ZNF423: variants seen among roughly 807,000 people sequenced by gnomAD.
ZNF423 encodes the protein zinc finger protein 423.
Under a neutral mutation model 95.8 loss-of-function variants are expected in ZNF423, and 12 were observed. The ratio of observed to expected loss-of-function variants is 0.13; its 90% CI spans 0.08 to 0.20. The LOEUF (loss-of-function observed/expected upper bound fraction) is 0.20, where lower values mean the gene tolerates loss of function less well. Among genes scored for constraint, ZNF423 ranks in the 10% least tolerant of loss-of-function variants. ZNF423 has a pLI of 1.00. For missense variants in ZNF423, 1,316 were observed against 1,737.1 expected (o/e 0.76, Z 4.31); for synonymous variants, 749 against 711.9 (o/e 1.05, Z -0.83).
intron 5 of ZNF423, among the ~76,000 whole-genome samples, chr16:49,535,037 G>A (rs1969005734): frequency 6.6e-6 from 1 of 152,200 alleles, no homozygotes; most frequent in South Asian, 2.1e-4. Context: ...GAAGGTCAGA[G>A]CAGGGCCTGA....
chr16:49,641,182 C>T (rs372719064), intron 3 of ZNF423, among the ~76,000 whole-genome samples: 2 of 152,232 alleles, frequency 1.3e-5, no homozygotes, highest in Admixed American at 6.5e-5. Flanking sequence ...AACTGAGGCA[C>T]GGCCTCAGAG....
At position 49,636,914 on chromosome 16, in the gene ZNF423, C is replaced by T. The variant is rs1379168880; in HGVS notation, c.2262G>A (p.Glu754=). ...QVHLAVKHSN[E]KKMYRCTACN... is the part of the protein sequence containing the mutation. ...AGGCCGTGCAGCGGTACATCTTCTTCTCATTGCTGTGCTTCACCGCCAGGT... is the reference window on the plus strand; with the variant it reads ...AGGCCGTGCAGCGGTACATCTTCTTTTCATTGCTGTGCTTCACCGCCAGGT... The change falls in exon 4 of 8, where the codon GAG becomes GAA. Residue 754 remains glutamate (E), a synonymous_variant. Coordinates refer to ENST00000563137, the MANE Select transcript of ZNF423 (RefSeq NM_001379286.1). This position sits in a 1 kb window ranked among gnomAD's most constrained non-coding sequence, Gnocchi z 8.6. 2 of 1,613,916 alleles carry T rather than the reference C, an allele frequency of 1.2e-6. No homozygotes were observed. The highest frequency in any genetic ancestry group is 1.1e-5 in the South Asian group (1 of 91,084).
intron 5 of ZNF423, among the ~76,000 whole-genome samples, chr16:49,606,326 G>A (rs1971536005): frequency 6.6e-6 from 1 of 152,198 alleles, no homozygotes; most frequent in Non-Finnish European, 1.5e-5. Context: ...TGGACCTAGA[G>A]AAGCCAGCTT....
chr16:49,629,957 A>G (rs1211962902), intron 4 of ZNF423, among the ~76,000 whole-genome samples: 1 of 152,166 alleles, frequency 6.6e-6, no homozygotes, highest in Non-Finnish European at 1.5e-5. Context: ...TGAAGAAACA[A>G]CTGGAGAAGC....
chr16:49,690,087 T>C (rs1488514756), intron 3 of ZNF423, among the ~76,000 whole-genome samples: 1 of 152,126 alleles, frequency 6.6e-6, no homozygotes, highest in African/African-American at 2.4e-5. Flanking sequence ...AGAACCACCA[T>C]CTACTAAGTG....
At chr16:49,734,745 T>G (rs2033246730) in intron 2 of ZNF423, among the ~76,000 whole-genome samples, 2 of 152,228 alleles carry the variant, frequency 1.3e-5, no homozygotes, top group South Asian at 4.1e-4. Context: ...CAAGATTCCC[T>G]ACCTCCCAGA....
chr16:49,630,444 C>T (rs1222075200), intron 4 of ZNF423, among the ~76,000 whole-genome samples: 3 of 152,164 alleles, frequency 2.0e-5, no homozygotes, highest in Non-Finnish European at 4.4e-5. Flanking sequence ...GAATGAAGCA[C>T]ATCCCAGGAA....
intron 1 of ZNF423, among the ~76,000 whole-genome samples, chr16:49,793,408 G>A (rs1411315044): frequency 6.6e-6 from 1 of 152,270 alleles, no homozygotes; most frequent in Non-Finnish European, 1.5e-5. Context: ...ACCCCAATCC[G>A]CACAGGGGCC....
intron 5 of ZNF423, among the ~76,000 whole-genome samples, chr16:49,564,665 G>A (rs891377318): frequency 4.6e-5 from 7 of 152,224 alleles, no homozygotes; most frequent in Non-Finnish European, 7.3e-5. Context: ...AGGGGGGCCT[G>A]AGCATGGTGT....
At chr16:49,719,305 A>T (rs1596914555) in intron 3 of ZNF423, among the ~76,000 whole-genome samples, 1 of 152,236 alleles carries the variant, frequency 6.6e-6, no homozygotes, top group Admixed American at 6.5e-5. Context: ...GAGCTGGCTC[A>T]GTGACACTGA....
In ZNF423 at chr16:49,700,212, AAAAAAC is replaced by A. The variant is rs1378258726; in HGVS notation, c.301+30553_301+30558del. ...CAGGATTTCAAAAAAAAAAAAAAAA[AAAAAAC>A]AAGAAGAAGAAGAAGAAAAAAAGAA... On this transcript the variant is annotated intron_variant, in intron 3 of 7. Coordinates refer to ENST00000563137, the MANE Select transcript of ZNF423 (RefSeq NM_001379286.1). 1.5e-5 allele frequency among the ~76,000 whole-genome samples: 2 copies of A among 129,408 alleles called. 1 individual carries two copies. Among genetic ancestry groups the A allele is most frequent in the East Asian group, 4.4e-4 (2 of 4,584 alleles). The allele number at this position is 129,408 out of a possible 152,430, so 84.9% of individuals were successfully genotyped here. A position where few individuals can be genotyped will look rare whatever the true frequency, so the allele number is the denominator to read the frequency against.
intron 2 of ZNF423, among the ~76,000 whole-genome samples, chr16:49,746,263 G>A (rs1249936892): frequency 2.0e-5 from 3 of 152,050 alleles, no homozygotes; most frequent in African/African-American, 7.2e-5. Flanking sequence ...CACTGGGTGC[G>A]GGAAGAAAAT....
At chr16:49,547,146 T>A (rs1454525903) in intron 5 of ZNF423, among the ~76,000 whole-genome samples, 1 of 151,994 alleles carries the variant, frequency 6.6e-6, no homozygotes, top group Non-Finnish European at 1.5e-5. Context: ...ACTCCCAAAA[T>A]CTCAAGGGGT....
chr16:49,645,566 C>T (rs1973139025), intron 3 of ZNF423, among the ~76,000 whole-genome samples: 1 of 152,116 alleles, frequency 6.6e-6, no homozygotes, highest in South Asian at 2.1e-4. Flanking sequence ...TTTCCTCTTC[C>T]AAAAAAGGAG....
At chr16:49,504,525 T>A (rs1967554120) in intron 7 of ZNF423, among the ~76,000 whole-genome samples, 1 of 152,150 alleles carries the variant, frequency 6.6e-6, no homozygotes, top group African/African-American at 2.4e-5. Context: ...GAGGTTGCAA[T>A]GAGCTGAGAT....
intron 1 of ZNF423, among the ~76,000 whole-genome samples, chr16:49,844,909 C>A (rs1434140678): frequency 6.6e-6 from 1 of 151,862 alleles, no homozygotes. Flanking sequence ...GTGGCACATG[C>A]CTGTAATCCC....
chr16:49,856,574 GGAGGCTCGAAACGGCCGCA>G (rs1225314929), upstream of ZNF423, among the ~76,000 whole-genome samples: 1 of 151,698 alleles, frequency 6.6e-6, no homozygotes, highest in Non-Finnish European at 1.5e-5. Flanking sequence ...TACTTGGAGG[GGAGGCTCGAAACGGCCGCA>G]GTGGCTCGGA....
chr16:49,497,551 C>T (rs576111432), intron 7 of ZNF423, among the ~76,000 whole-genome samples: 102 of 152,316 alleles, frequency 6.7e-4, no homozygotes, highest in East Asian at 2.1e-3. Flanking sequence ...CCTGCTCTCC[C>T]GGCCCCACCT....
intron 2 of ZNF423, among the ~76,000 whole-genome samples, chr16:49,771,451 T>C (rs1459989355): frequency 1.3e-5 from 2 of 152,126 alleles, no homozygotes; most frequent in Non-Finnish European, 2.9e-5. Flanking sequence ...GTGATCCTCC[T>C]GCCTCAGCCT....
Sources: gnomAD v4.1 joint callset for allele counts (sites outside exome capture counted in the v4.1 genomes callset) on GRCh38, gnomAD v4.1.1 for gene constraint, Gnocchi (gnomAD v3.1) non-coding constraint, MANE v1.5 for transcripts, NCBI Gene and HGNC (gene_info 2026-07-23, HGNC 2026-07-21) for gene names.